The following ENTPD5 variants were observed in gnomAD, a reference collection of about 807,000 sequenced individuals.
The protein encoded by ENTPD5 is nucleoside diphosphate phosphatase ENTPD5.
Under a neutral mutation model 60.2 loss-of-function variants are expected in ENTPD5, and 49 were observed. The ratio of observed to expected loss-of-function variants is 0.81; its 90% CI spans 0.65 to 1.03. The LOEUF (loss-of-function observed/expected upper bound fraction) is 1.03. Ranked by LOEUF, ENTPD5 falls within the 50% of genes least tolerant of loss-of-function variation. The probability of loss-of-function intolerance (pLI) is 0.00; values close to 1 mark genes in which losing one functional copy is unlikely to be tolerated. For synonymous variants in ENTPD5, 187 were observed against 185.4 expected (o/e 1.01, Z -0.07); for missense variants, 480 against 507.6 (o/e 0.95, Z 0.52).
At chr14:73,999,026 C>G (rs1372281208) in intron 3 of ENTPD5, among the ~76,000 whole-genome samples, 1 of 152,112 alleles carries the variant, frequency 6.6e-6, no homozygotes, top group African/African-American at 2.4e-5. Context: ...GGAGCCTTGT[C>G]AGGACCACTC....
intron 6 of ENTPD5, among the ~76,000 whole-genome samples, chr14:73,981,103 AAAATAAATAAAT>A (rs542711298): frequency 1.3e-5 from 2 of 151,872 alleles, no homozygotes; most frequent in Non-Finnish European, 2.9e-5. Flanking sequence ...CGCCTCTCAA[AAAATAAATAAAT>A]AAATAAATAA....
chr14:73,987,718 A>C (rs1271267956), intron 4 of ENTPD5, among the ~76,000 whole-genome samples, 168 bp downstream of exon 4: 1 of 152,168 alleles, frequency 6.6e-6, no homozygotes, highest in African/African-American at 2.4e-5. Flanking sequence ...AATAAAAATA[A>C]ATAAATAAAC....
downstream of ENTPD5, chr14:73,959,208 C>T: frequency 6.2e-7 from 1 of 1,614,236 alleles, no homozygotes; most frequent in Non-Finnish European, 8.5e-7. Context: ...CCCTCTGGGC[C>T]TATTGCTCTG....
At chr14:73,981,497 T>TAC (rs1358643883) in intron 6 of ENTPD5, among the ~76,000 whole-genome samples, 1 of 147,838 alleles carries the variant, frequency 6.8e-6, no homozygotes, top group East Asian at 2.0e-4. Context: ...AAAAAATGTA[T>TAC]ATATATATAT....
At chr14:73,974,528 G>A (rs1002843395) in intron 11 of ENTPD5, among the ~76,000 whole-genome samples, 1 of 152,188 alleles carries the variant, frequency 6.6e-6, no homozygotes, top group Non-Finnish European at 1.5e-5. Context: ...TGCCTGACCT[G>A]TGAAGAGATC....
intron 3 of ENTPD5, chr14:74,009,324 G>T (rs184332703): frequency 1.2e-4 from 18 of 152,332 alleles, no homozygotes; most frequent in Admixed American, 5.2e-4. Context: ...ACTATTTACA[G>T]AAGAGTAACT....
downstream of ENTPD5, chr14:73,955,906 T>C (rs199642294): frequency 7.4e-6 from 12 of 1,614,190 alleles, no homozygotes; most frequent in East Asian, 2.5e-4. Flanking sequence ...ATGCTCTCAC[T>C]AAGCAGTTGG....
In ENTPD5 at chr14:73,972,989, G is replaced by A. The variant is rs2057292348; in HGVS notation, c.922C>T (p.Leu308=). Residue 308 remains leucine (L), a synonymous_variant, in exon 13 of 16, where the codon CTG becomes TTG. Coordinates refer to ENST00000334696, the MANE Select transcript of ENTPD5 (RefSeq NM_001249.5). Reference sequence around the variant, plus strand: ...TGAAGTTTTCCTCGTACCACCCTCAGCACTTCGGCATAGCAGGGCTCAAAG... The same window carrying A: ...TGAAGTTTTCCTCGTACCACCCTCAACACTTCGGCATAGCAGGGCTCAAAG... ...VGFEPCYAEV[L]RVVRGKLHQP... 6.2e-7 allele frequency: 1 copy of A among 1,614,196 alleles called. No individual in the cohort carries two copies. The highest frequency in any genetic ancestry group is 1.3e-5 in the African/African-American group (1 of 75,040).
At chr14:73,958,732 G>A, downstream of ENTPD5, 1 of 1,420,532 alleles carries the variant, frequency 7.0e-7, no homozygotes, top group African/African-American at 1.4e-5. Context: ...AGGAGGGCCT[G>A]GCTGAGTTTA....
intron 4 of ENTPD5, among the ~76,000 whole-genome samples, chr14:73,987,437 G>T (rs2057947829): frequency 6.6e-6 from 1 of 152,148 alleles, no homozygotes; most frequent in East Asian, 1.9e-4. Context: ...TATAATCCCA[G>T]TACTTTGGGA....
chr14:74,006,583 CTTT>C (rs753313229), intron 3 of ENTPD5, among the ~76,000 whole-genome samples: 1 of 140,834 alleles, frequency 7.1e-6, no homozygotes, highest in Admixed American at 7.2e-5. Flanking sequence ...ACACCCGGCC[CTTT>C]TTTTTTTTTT....
At chr14:73,984,709 AATTT>A (rs1226468027) in intron 5 of ENTPD5, among the ~76,000 whole-genome samples, 1 of 151,444 alleles carries the variant, frequency 6.6e-6, no homozygotes, top group Non-Finnish European at 1.5e-5. Flanking sequence ...TTAATTAATT[AATTT>A]ATTTATTTAC....
At chr14:74,003,187 AT>A (rs2058563889) in intron 3 of ENTPD5, among the ~76,000 whole-genome samples, 1 of 152,138 alleles carries the variant, frequency 6.6e-6, no homozygotes, top group Admixed American at 6.6e-5. Context: ...CACTTATCAC[AT>A]TCTAACATAC....
At chr14:74,008,313 T>A (rs2058742018) in intron 3 of ENTPD5, among the ~76,000 whole-genome samples, 1 of 152,166 alleles carries the variant, frequency 6.6e-6, no homozygotes, top group African/African-American at 2.4e-5. Flanking sequence ...TCTGATCATG[T>A]TTCCAGAACA....
At chr14:73,973,576 A>C (rs1205425233) in intron 12 of ENTPD5, among the ~76,000 whole-genome samples, 1 of 152,130 alleles carries the variant, frequency 6.6e-6, no homozygotes, top group East Asian at 1.9e-4. Context: ...ATAGCCTTGA[A>C]CTCATGGGCT....
intron 3 of ENTPD5, among the ~76,000 whole-genome samples, chr14:74,007,435 T>C (rs968638468): frequency 3.3e-5 from 5 of 151,482 alleles, no homozygotes; most frequent in African/African-American, 4.9e-5. Context: ...GCAGAAGAAA[T>C]TGCTTGAACC....
chr14:73,960,498 T>C (rs1228598285), downstream of ENTPD5: 5 of 996,454 alleles, frequency 5.0e-6, no homozygotes, highest in Non-Finnish European at 2.4e-6. Flanking sequence ...CTGAACATAC[T>C]GAAATGGATT....
At chr14:73,994,388 A>G (rs2140717553) in intron 3 of ENTPD5, among the ~76,000 whole-genome samples, 1 of 151,820 alleles carries the variant, frequency 6.6e-6, no homozygotes, top group South Asian at 2.1e-4. Context: ...CAGCCTCCCA[A>G]AGTCCTGGGA....
At chr14:73,996,023 CA>C (rs2058330647) in intron 3 of ENTPD5, 8 of 416,554 alleles carry the variant, frequency 1.9e-5, no homozygotes, top group Non-Finnish European at 2.6e-5. Context: ...CCCAGAACGT[CA>C]CACTCTGGCT....
Sources: allele counts gnomAD v4.1 joint callset (sites outside exome capture counted in the v4.1 genomes callset), GRCh38; gene constraint gnomAD v4.1.1; transcripts MANE v1.5; gene names NCBI Gene and HGNC (gene_info 2026-07-23, HGNC 2026-07-21).